ARHGAP35: variants seen among roughly 807,000 people sequenced by gnomAD.
ARHGAP35 encodes Rho GTPase activating protein 35.
In ARHGAP35, 15 loss-of-function variants were observed where a neutral mutation model predicts 111.1. The observed-to-expected ratio is 0.13, with a 90% confidence interval of 0.09 to 0.21. The LOEUF (loss-of-function observed/expected upper bound fraction) is 0.21. Ranked by LOEUF, ARHGAP35 falls within the 10% of genes least tolerant of loss-of-function variation. The pLI is 1.00. For synonymous variants in ARHGAP35, 643 were observed against 710.3 expected (o/e 0.91, Z 1.51); for missense variants, 1,262 against 1,873.0 (o/e 0.67, Z 6.02).
rs1300354038 is a variant in ARHGAP35, at chr19:47,000,540, C to G, written c.4352C>G (p.Ser1451Cys). 1.9e-6 allele frequency: 3 copies of G among 1,613,354 alleles called. No individual in the cohort carries two copies. The highest frequency in any genetic ancestry group is 2.5e-6 in the Non-Finnish European group (3 of 1,179,848). The part of the protein sequence containing the change: ...ITEPPGARPS[S>C]PSAVASTVPF... ...GAGCCCCCCGGCGCCAGGCCCAGCT[C>G]CCCCTCTGCCGTGGCTTCCACCGTC... The change falls in exon 7 of 7, where the codon TCC (serine) becomes TGC (cysteine). Residue 1451 changes from serine (S) to cysteine (C), a missense_variant. Physicochemically the swap from Ser to Cys is moderately radical, Grantham distance 112 (BLOSUM62 -1). Coordinates refer to ENST00000672722, the MANE Select transcript of ARHGAP35 (RefSeq NM_004491.5). The surrounding 1 kb of genome is among the most constrained non-coding windows in gnomAD (Gnocchi z 6.9).
chr19:46,877,190 T>C (rs1188632655), intron 1 of ARHGAP35, among the ~76,000 whole-genome samples: 1 of 147,284 alleles, frequency 6.8e-6, no homozygotes, highest in Non-Finnish European at 1.5e-5. Context: ...AGGCGGATGT[T>C]GCAGTGAGCT....
intron 1 of ARHGAP35, among the ~76,000 whole-genome samples, chr19:46,894,138 A>G (rs2056040993): frequency 6.6e-6 from 1 of 152,134 alleles, no homozygotes; most frequent in South Asian, 2.1e-4. Flanking sequence ...CAAAGAGCAA[A>G]TGATGCAATT....
chr19:46,910,433 T>C (rs905551308), intron 1 of ARHGAP35, among the ~76,000 whole-genome samples: 1 of 150,070 alleles, frequency 6.7e-6, no homozygotes, highest in Non-Finnish European at 1.5e-5. Context: ...TAGGATTACA[T>C]GGCATGCACC....
chr19:46,878,515 C>T (rs1348080283), intron 1 of ARHGAP35, among the ~76,000 whole-genome samples: 6 of 152,068 alleles, frequency 3.9e-5, no homozygotes, highest in Admixed American at 3.3e-4. Flanking sequence ...GATGGGGTTT[C>T]GCCATGTTGG....
At position 46,999,570 on chromosome 19, in the gene ARHGAP35, C is replaced by T; in HGVS notation, c.4142+161C>T. 2 of 605,254 alleles carry T rather than the reference C, an allele frequency of 3.3e-6. No homozygotes were observed. The highest frequency in any genetic ancestry group is 2.0e-5 in the South Asian group (1 of 49,246). The allele number at this position is 605,254 out of a possible 1,614,324, so 37.5% of individuals were successfully genotyped here. A position where few individuals can be genotyped will look rare whatever the true frequency, so the allele number is the denominator to read the frequency against. On this transcript the variant is annotated intron_variant, in intron 6 of 6. Coordinates refer to ENST00000672722, the MANE Select transcript of ARHGAP35 (RefSeq NM_004491.5). The surrounding 1 kb of genome is among the most constrained non-coding windows in gnomAD (Gnocchi z 5.4). ...CCCATGGTGCCCGCTGGTCTCGGTG[C>T]CCAGAGCCTCTGCCTCTCGCCCATC...
intron 1 of ARHGAP35, among the ~76,000 whole-genome samples, chr19:46,888,545 G>A (rs929430778): frequency 1.3e-5 from 2 of 150,700 alleles, no homozygotes; most frequent in Non-Finnish European, 1.5e-5. Context: ...AGCACATTTT[G>A]TAAGGCTTAT....
At chr19:46,930,466 A>G (rs79794580) in intron 2 of ARHGAP35, among the ~76,000 whole-genome samples, 3 of 134,640 alleles carry the variant, frequency 2.2e-5, no homozygotes, top group East Asian at 2.1e-4. Context: ...AGGCACTTTG[A>G]AAAAAAAAAA....
chr19:46,969,909 G>C (rs999568440), intron 3 of ARHGAP35, among the ~76,000 whole-genome samples: 1 of 152,180 alleles, frequency 6.6e-6, no homozygotes, highest in Admixed American at 6.5e-5. Flanking sequence ...AGCACCAGGA[G>C]AGCTGGACCC....
In ARHGAP35 at chr19:46,907,614, G is replaced by A. The variant is rs1231372209; in HGVS notation, c.-188-10874G>A. Among the ~76,000 whole-genome samples, 7 of 151,684 alleles carry A rather than the reference G, an allele frequency of 4.6e-5. No homozygotes were observed. The South Asian group carries it at 1.3e-3, about 27-fold the overall frequency. ...CTGTCTCAGCCTCCCGAGTAGCTGG[G>A]ACTACAGGCGCCCACCACTATGACC... On this transcript the variant is annotated intron_variant, in intron 1 of 6. Coordinates refer to ENST00000672722, the MANE Select transcript of ARHGAP35 (RefSeq NM_004491.5).
chr19:46,922,664 A>G lies in ARHGAP35; in HGVS notation c.3681+308A>G, dbSNP rs1258225730. ...AAGTGGCCAAGCGCAGTGACAATACACTTGCTCTCCCTTCACTGAAACACC... is the reference window on the plus strand; with the variant it reads ...AAGTGGCCAAGCGCAGTGACAATACGCTTGCTCTCCCTTCACTGAAACACC... On this transcript the variant is annotated intron_variant, in intron 2 of 6. Transcript: ENST00000672722. The surrounding 1 kb of genome is among the most constrained non-coding windows in gnomAD (Gnocchi z 4.0). 6.6e-6 allele frequency among the ~76,000 whole-genome samples: 1 copy of G among 152,138 alleles called. No homozygotes were observed. Among genetic ancestry groups the G allele is most frequent in the African/African-American group, 2.4e-5 (1 of 41,438 alleles).
chr19:46,938,897 C>T (rs1417718860), intron 3 of ARHGAP35, among the ~76,000 whole-genome samples: 1 of 150,832 alleles, frequency 6.6e-6, no homozygotes, highest in Admixed American at 6.6e-5. Flanking sequence ...CCTCGTGATC[C>T]GCCCACCTCA....
rs137918123 is a variant in ARHGAP35 at position 46,956,146 on chromosome 19, C to T, written c.3826+18738C>T. The stretch of plus-strand genomic sequence containing the variant: ...CAGCATGGGCAAGATGGAGAAACGC[C>T]ATCTCTACTAAAAATACAAAAATTA... On this transcript the variant is annotated intron_variant, in intron 3 of 6. Coordinates refer to ENST00000672722, the MANE Select transcript of ARHGAP35 (RefSeq NM_004491.5). Among the ~76,000 whole-genome samples, 340 of 152,216 alleles carry T rather than the reference C, an allele frequency of 2.2e-3. 8 individuals carry two copies. Among genetic ancestry groups the T allele is most frequent in the Middle Eastern group, 6.8e-3 (2 of 294 alleles).
Position 46,922,465 on chromosome 19 carries a change from C to A in ARHGAP35, c.3681+109C>A. The A allele has an allele frequency of 1.9e-6, 2 of 1,065,488 alleles. No individual in the cohort carries two copies. The highest frequency in any genetic ancestry group is 2.6e-6 in the Non-Finnish European group (2 of 769,476). 66.0% of individuals were successfully genotyped at this position (1,065,488 alleles called of 1,614,324 possible). On this transcript the variant is annotated intron_variant, in intron 2 of 6. Coordinates refer to ENST00000672722, the MANE Select transcript of ARHGAP35 (RefSeq NM_004491.5). This position sits in a 1 kb window ranked among gnomAD's most constrained non-coding sequence, Gnocchi z 4.0. ...CCTATTCTGGTAAAAAAAAAACTGC[C>A]CTGTGTGTGTATTTGACTTAACATA...
intron 3 of ARHGAP35, among the ~76,000 whole-genome samples, chr19:46,960,481 G>A (rs2056473695): frequency 6.6e-6 from 1 of 152,074 alleles, no homozygotes. Context: ...TCATTCTTTG[G>A]TCTACATGCA....
At chr19:46,979,456 C>A (rs553930777) in intron 3 of ARHGAP35, among the ~76,000 whole-genome samples, 1 of 152,166 alleles carries the variant, frequency 6.6e-6, no homozygotes, top group African/African-American at 2.4e-5. Context: ...TCTTTGCCAG[C>A]GTGGTTTCTT....
rs1002407231 is a variant in ARHGAP35, at chr19:47,000,536, A to C, written c.4348A>C (p.Ser1450Arg). Residue 1450 changes from serine (S) to arginine (R), a missense_variant, in exon 7 of 7, where the codon AGC becomes CGC. Transcript: ENST00000672722. This position sits in a 1 kb window ranked among gnomAD's most constrained non-coding sequence, Gnocchi z 6.9. Reference protein sequence around the residue: ...PITEPPGARPSSPSAVASTVP... With the variant: ...PITEPPGARPRSPSAVASTVP... ...CACCGAGCCCCCCGGCGCCAGGCCCAGCTCCCCCTCTGCCGTGGCTTCCAC... is the reference window on the plus strand; with the variant it reads ...CACCGAGCCCCCCGGCGCCAGGCCCCGCTCCCCCTCTGCCGTGGCTTCCAC... The C allele has an allele frequency of 6.2e-7, 1 of 1,609,618 alleles. No homozygotes were observed. Among genetic ancestry groups the C allele is most frequent in the South Asian group, 1.1e-5 (1 of 90,864 alleles).
At chr19:46,914,035 A>G (rs1240054961) in intron 1 of ARHGAP35, among the ~76,000 whole-genome samples, 4 of 152,200 alleles carry the variant, frequency 2.6e-5, no homozygotes, top group African/African-American at 9.7e-5. Context: ...TGTATTTGTG[A>G]CCAAGCACTT....
intron 3 of ARHGAP35, among the ~76,000 whole-genome samples, chr19:46,968,184 T>C (rs1259645589): frequency 6.6e-6 from 1 of 152,136 alleles, no homozygotes; most frequent in Non-Finnish European, 1.5e-5. Flanking sequence ...ATTGTATACA[T>C]AGAAAGGGAG....
At position 46,918,680 on chromosome 19, in the gene ARHGAP35, T is replaced by C; in HGVS notation, c.5T>C (p.Met2Thr). Reference protein sequence around the residue: MMMARKQDVRIP... With the variant: MTMARKQDVRIP... The stretch of plus-strand genomic sequence containing the variant: ...TCGTGGCAGGATGTGTCGACGATGA[T>C]GATGGCAAGAAAGCAAGATGTCCGA... Residue 2 changes from methionine (M) to threonine (T), a missense_variant, in exon 2 of 7, where the codon ATG becomes ACG. Coordinates refer to ENST00000672722, the MANE Select transcript of ARHGAP35 (RefSeq NM_004491.5). This position sits in a 1 kb window ranked among gnomAD's most constrained non-coding sequence, Gnocchi z 5.4. 1 of 1,611,800 alleles carries C rather than the reference T, an allele frequency of 6.2e-7. No individual in the cohort carries two copies. The highest frequency in any genetic ancestry group is 8.5e-7 in the Non-Finnish European group (1 of 1,178,174).
Sources: gnomAD v4.1 joint callset for allele counts (sites outside exome capture counted in the v4.1 genomes callset) on GRCh38, gnomAD v4.1.1 for gene constraint, Gnocchi (gnomAD v3.1) non-coding constraint, MANE v1.5 for transcripts, NCBI Gene and HGNC (gene_info 2026-07-23, HGNC 2026-07-21) for gene names.